Variants in ZNF573 observed in about 807,000 individuals in gnomAD.
ZNF573 encodes the protein zinc finger protein 573.
Under a neutral mutation model 57.4 loss-of-function variants are expected in ZNF573, and 41 were observed. The observed-to-expected ratio is 0.71, with a 90% CI of 0.56 to 0.93. The LOEUF (loss-of-function observed/expected upper bound fraction) is 0.93, where lower values mean the gene tolerates loss of function less well. Ranked by LOEUF, ZNF573 falls within the 40% of genes least tolerant of loss-of-function variation. The pLI is 0.00. For missense variants in ZNF573, 730 were observed against 794.8 expected, an observed-to-expected ratio of 0.92 and a Z score of 0.98; for synonymous variants, 249 against 261.0, an observed-to-expected ratio of 0.95 and a Z score of 0.44.
Position 37,739,024 on chromosome 19 carries a change from C to T in ZNF573, c.1466G>A (p.Arg489Gln), listed in dbSNP as rs763271370. 8.1e-6 allele frequency: 13 copies of T among 1,610,246 alleles called. No homozygotes were observed. The highest frequency in any genetic ancestry group is 6.7e-5 in the East Asian group (3 of 44,640). Reference sequence around the variant, plus strand: ...GGGTTTCTCACCAGTATGAGTTTTCCGATGTTGAATAAGGTTTGAGCCAGT... The same window carrying T: ...GGGTTTCTCACCAGTATGAGTTTTCTGATGTTGAATAAGGTTTGAGCCAGT... ...YSTGSNLIQHRKTHTGEKPYK... is the reference protein window; with the variant it reads ...YSTGSNLIQHQKTHTGEKPYK... The change falls in exon 5 of 5, where the codon CGG becomes CAG. Residue 489 changes from arginine to glutamine, a missense_variant. Physicochemically the swap from Arg to Gln is conservative, Grantham distance 43 (BLOSUM62 1). Coordinates refer to ENST00000536220, the MANE Select transcript of ZNF573 (RefSeq NM_001172690.2).
intron 4 of ZNF573, among the ~76,000 whole-genome samples, chr19:37,764,061 CTCAA>C (rs1568422101): frequency 5.0e-5 from 3 of 59,880 alleles, no homozygotes. Flanking sequence ...GAAACTCTGC[CTCAA>C]AAAAAAAAAA....
intron 4 of ZNF573, among the ~76,000 whole-genome samples, chr19:37,756,197 G>A (rs2045486111): frequency 6.6e-6 from 1 of 152,144 alleles, no homozygotes; most frequent in Admixed American, 6.5e-5. Context: ...TCCTTTCTCA[G>A]AATAAGAGAT....
At chr19:37,775,778 C>T (rs560449108) in intron 1 of ZNF573, among the ~76,000 whole-genome samples, 30 of 145,828 alleles carry the variant, frequency 2.1e-4, no homozygotes, top group Non-Finnish European at 2.5e-4. Flanking sequence ...AGTAGCATTG[C>T]TATATACCAA....
Sources: gnomAD v4.1 joint callset for allele counts (sites outside exome capture counted in the v4.1 genomes callset) on GRCh38, gnomAD v4.1.1 for gene constraint, MANE v1.5 for transcripts, NCBI Gene and HGNC (gene_info 2026-07-23, HGNC 2026-07-21) for gene names.